CELF1: variants seen among roughly 807,000 people sequenced by gnomAD.
The protein encoded by CELF1 is CUGBP Elav-like family member 1.
CELF1 carries 10 observed loss-of-function variants against 61.8 expected under a neutral mutation model. The observed-to-expected ratio is 0.16, with a 90% confidence interval of 0.10 to 0.27. The LOEUF (loss-of-function observed/expected upper bound fraction) is 0.27, where lower values mean the gene tolerates loss of function less well. Among genes scored for constraint, CELF1 ranks in the 10% least tolerant of loss-of-function variants. The probability of loss-of-function intolerance (pLI) is 1.00; values close to 1 mark genes in which losing one functional copy is unlikely to be tolerated. For missense variants in CELF1, 380 were observed against 639.1 expected (o/e 0.59, Z 4.37); for synonymous variants, 236 against 225.1 (o/e 1.05, Z -0.43).
intron 1 of CELF1, among the ~76,000 whole-genome samples, chr11:47,522,236 T>C (rs2095951242): frequency 6.6e-6 from 1 of 151,282 alleles, no homozygotes; most frequent in Admixed American, 6.6e-5. Context: ...TCATTAACAC[T>C]TGAAGTAGGC....
intron 9 of CELF1, 172 bp downstream of exon 9, chr11:47,482,523 G>C (rs3740699): frequency 4.0e-6 from 2 of 503,722 alleles, no homozygotes; most frequent in African/African-American, 1.9e-5. Flanking sequence ...CATATATATA[G>C]AGAGAGAAAG....
rs2153474337 is a variant in CELF1 at position 47,488,835 on chromosome 11, A to C, written c.259+2T>G. Reference sequence around the variant, plus strand: ...AGATAAACCAAAACCCAAAGCCCTAACCTTTGCTCTGAGGCGGGTTTTGGC... The same window carrying C: ...AGATAAACCAAAACCCAAAGCCCTACCCTTTGCTCTGAGGCGGGTTTTGGC... On this transcript the variant is annotated splice_donor_variant, in intron 4 of 14. Coordinates refer to ENST00000687097, the MANE Select transcript of CELF1 (RefSeq NM_001376376.1). LOFTEE classifies it high-confidence loss of function. 6.6e-7 allele frequency: 1 copy of C among 1,526,144 alleles called. No homozygotes were observed. The highest frequency in any genetic ancestry group is 2.5e-5 in the East Asian group (1 of 39,830). 94.5% of individuals were successfully genotyped at this position (1,526,144 alleles called of 1,614,324 possible). A position where few individuals can be genotyped will look rare whatever the true frequency, so the allele number is the denominator to read the frequency against.
At chr11:47,498,551 G>A (rs1225288242) in intron 3 of CELF1, among the ~76,000 whole-genome samples, 1 of 152,174 alleles carries the variant, frequency 6.6e-6, no homozygotes, top group Non-Finnish European at 1.5e-5. Flanking sequence ...TCAAAGACTT[G>A]CATTAACACT....
intron 12 of CELF1, 51 bp from the exon 13 acceptor site, chr11:47,475,572 C>T: frequency 6.3e-7 from 1 of 1,574,956 alleles, no homozygotes; most frequent in Non-Finnish European, 8.7e-7. Context: ...TAAACTGATG[C>T]CAAAGACAAG....
chr11:47,505,095 C>A (rs1357149840), intron 1 of CELF1, among the ~76,000 whole-genome samples: 1 of 150,962 alleles, frequency 6.6e-6, no homozygotes, highest in African/African-American at 2.4e-5. Context: ...TATCCTTAAT[C>A]ACAGAAAGAC....
At chr11:47,558,093 G>T (rs2097211268), upstream of CELF1, among the ~76,000 whole-genome samples, 1 of 152,002 alleles carries the variant, frequency 6.6e-6, no homozygotes, top group South Asian at 2.1e-4. Context: ...CTAACCTCAG[G>T]TGATCTGCCC....
chr11:47,499,762 A>G (rs887140431), intron 2 of CELF1, 158 bp from the exon 3 acceptor site: 3 of 498,910 alleles, frequency 6.0e-6, no homozygotes, highest in Non-Finnish European at 1.1e-5. Context: ...CCAGCACACA[A>G]TGAAAGTGCT....
Position 47,466,707 on chromosome 11 carries a change from A to G in CELF1, c.*5523T>C, listed in dbSNP as rs1012804834. 6.6e-6 allele frequency: 1 copy of G among 152,244 alleles called. No homozygotes were observed. Among genetic ancestry groups the G allele is most frequent in the Admixed American group, 6.5e-5 (1 of 15,282 alleles). The allele number at this position is 152,244 out of a possible 1,614,324, so 9.4% of individuals were successfully genotyped here. A position where few individuals can be genotyped will look rare whatever the true frequency, so the allele number is the denominator to read the frequency against. On this transcript the variant is annotated 3_prime_UTR_variant, in exon 15 of 15. Coordinates refer to ENST00000687097, the MANE Select transcript of CELF1 (RefSeq NM_001376376.1). ...GAAAAGGAAAAGGAAACAACGTCCA[A>G]CATTTGGCATTTGGTTTTATCCACA...
chr11:47,541,837 A>G (rs563494570), intron 1 of CELF1, among the ~76,000 whole-genome samples: 61 of 150,684 alleles, frequency 4.0e-4, no homozygotes, highest in African/African-American at 3.4e-4. Flanking sequence ...AAAGAAAGAA[A>G]ATGGAAACTA....
At chr11:47,509,504 T>C (rs1374671662) in intron 1 of CELF1, among the ~76,000 whole-genome samples, 1 of 152,120 alleles carries the variant, frequency 6.6e-6, no homozygotes, top group Admixed American at 6.6e-5. Flanking sequence ...TAGTGAGCTA[T>C]GCTGGCACCA....
At chr11:47,541,726 GA>G (rs1565904462) in intron 1 of CELF1, among the ~76,000 whole-genome samples, 146 of 7,316 alleles carry the variant, frequency 0.02, 21 homozygotes, top group African/African-American at 0.047. Flanking sequence ...AAGAAAGAAA[GA>G]ACGAAAGAAA....
intron 8 of CELF1, 142 bp downstream of exon 8, chr11:47,483,311 A>C: frequency 1.5e-6 from 1 of 686,356 alleles, no homozygotes; most frequent in Non-Finnish European, 2.6e-6. Context: ...ATTTTAAAGA[A>C]ATCAGTGGTT....
At chr11:47,545,919 T>A (rs773632017) in intron 1 of CELF1, among the ~76,000 whole-genome samples, 9,544 of 130,198 alleles carry the variant, frequency 0.073, 352 homozygotes, top group Admixed American at 0.11. Context: ...ATATATATTT[T>A]TTTTTTTTTG....
intron 1 of CELF1, chr11:47,523,500 G>A (rs1317295574): frequency 6.6e-6 from 1 of 152,226 alleles, no homozygotes; most frequent in Non-Finnish European, 1.5e-5. Flanking sequence ...AAACAAATAA[G>A]CATCCAAAAC....
At chr11:47,521,727 G>A (rs1029434974) in intron 1 of CELF1, among the ~76,000 whole-genome samples, 3 of 152,164 alleles carry the variant, frequency 2.0e-5, no homozygotes, top group African/African-American at 7.2e-5. Context: ...TGGTGGAAAA[G>A]AATGAGTCCC....
chr11:47,538,333 G>A (rs1482746315), intron 1 of CELF1, among the ~76,000 whole-genome samples: 1 of 152,158 alleles, frequency 6.6e-6, no homozygotes, highest in Non-Finnish European at 1.5e-5. Flanking sequence ...TGTTGGCTGT[G>A]TACCAGGTTG....
intron 1 of CELF1, among the ~76,000 whole-genome samples, chr11:47,528,103 C>T (rs1686362852): frequency 6.6e-6 from 1 of 151,318 alleles, no homozygotes; most frequent in African/African-American, 2.4e-5. Context: ...TCCCCCATCC[C>T]CCCACCCCTC....
intron 2 of CELF1, among the ~76,000 whole-genome samples, chr11:47,559,111 T>C (rs1352616003): frequency 6.8e-6 from 1 of 147,122 alleles, no homozygotes; most frequent in Admixed American, 7.0e-5. Flanking sequence ...ATATGTATTT[T>C]TTGAGACGGA....
rs773447970 is a variant in CELF1, at chr11:47,488,988, G to C, written c.108C>G (p.Asp36Glu). Reference protein sequence around the residue: ...KKMNGTLDHPDQPDLDAIKMF... With the variant: ...KKMNGTLDHPEQPDLDAIKMF... ...TCTTGATAGCATCAAGATCTGGTTG[G>C]TCTGGGTGGTCCAGGGTGCCGTTCA... The change falls in exon 4 of 15, where the codon GAC becomes GAG. Residue 36 changes from aspartate (D) to glutamate (E), a missense_variant. Transcript: ENST00000687097. 16 of 1,607,186 alleles carry C rather than the reference G, an allele frequency of 1.0e-5. No homozygotes were observed. In the Admixed American group the frequency reaches 1.5e-4, roughly 16 times the overall value.
Sources: allele counts gnomAD v4.1 joint callset (sites outside exome capture counted in the v4.1 genomes callset), GRCh38; gene constraint gnomAD v4.1.1; transcripts MANE v1.5; gene names NCBI Gene and HGNC (gene_info 2026-07-23, HGNC 2026-07-21).